Variants in COPS2 observed in about 807,000 individuals in gnomAD.
The protein encoded by COPS2 is COP9 signalosome subunit 2, also known as COP9 signalosome complex subunit 2.
COPS2 carries 10 observed loss-of-function variants against 66.1 expected under a neutral mutation model. That is an observed-to-expected ratio of 0.15 (90% CI 0.09 to 0.26). The LOEUF (loss-of-function observed/expected upper bound fraction) is 0.26, where lower values mean the gene tolerates loss of function less well. COPS2 is among the 10% of genes least tolerant of loss of function. COPS2 has a pLI of 1.00. For synonymous variants in COPS2, 179 were observed against 171.3 expected (o/e 1.04, Z -0.35); for missense variants, 215 against 513.3 (o/e 0.42, Z 5.62).
At chr15:49,144,008 A>G (rs1246665996) in intron 3 of COPS2, among the ~76,000 whole-genome samples, 1 of 151,616 alleles carries the variant, frequency 6.6e-6, no homozygotes, top group East Asian at 1.9e-4. Context: ...CTGTAAATGC[A>G]TCTAAAAGAG....
chr15:49,134,638 T>C (rs1008575989), intron 6 of COPS2, 124 bp from the exon 7 acceptor site: 35 of 767,104 alleles, frequency 4.6e-5, no homozygotes, highest in East Asian at 1.4e-4. Flanking sequence ...CAAATTTTAA[T>C]TGGGAGCTAC....
At chr15:49,140,357 T>C (rs944077340) in intron 3 of COPS2, among the ~76,000 whole-genome samples, 2 of 152,182 alleles carry the variant, frequency 1.3e-5, no homozygotes. Context: ...TATTCTTCCC[T>C]GTAATTTTAT....
intron 1 of COPS2, among the ~76,000 whole-genome samples, chr15:49,151,528 C>T (rs905413535): frequency 6.6e-5 from 10 of 152,092 alleles, no homozygotes; most frequent in African/African-American, 1.9e-4. Flanking sequence ...AGAAGTTTCA[C>T]GGTAGAACGA....
At chr15:49,153,066 G>T (rs559132099) in intron 1 of COPS2, among the ~76,000 whole-genome samples, 2 of 152,312 alleles carry the variant, frequency 1.3e-5, no homozygotes, top group African/African-American at 4.8e-5. Flanking sequence ...ACAGACTATT[G>T]CTTAGGAAAG....
intron 10 of COPS2, 61 bp from the exon 11 acceptor site, chr15:49,129,620 T>A (rs533763178): frequency 1.3e-6 from 1 of 777,542 alleles, no homozygotes; most frequent in African/African-American, 1.8e-5. Context: ...TCTTTATGGA[T>A]CATTATGTAC....
chr15:49,150,442 C>T (rs759832306), intron 1 of COPS2, among the ~76,000 whole-genome samples: 3 of 151,892 alleles, frequency 2.0e-5, no homozygotes, highest in Non-Finnish European at 4.4e-5. Context: ...CACTGGCAAT[C>T]GACCATCATC....
rs200071195 is a variant in COPS2, at chr15:49,145,740, G to GA, written c.55-663dup. The stretch of plus-strand genomic sequence containing the variant: ...TATTACATGAGTTCAATTCTTAGTG[G>GA]AAAAAAAACAAGGCAGAAGGGAAAA... On this transcript the variant is annotated intron_variant, in intron 1 of 12. Coordinates refer to ENST00000388901, the MANE Select transcript of COPS2 (RefSeq NM_004236.4). Among the ~76,000 whole-genome samples the GA allele has an allele frequency of 5.6e-3, 852 of 151,510 alleles. 6 individuals carry two copies. The highest frequency in any genetic ancestry group is 0.019 in the African/African-American group (805 of 41,334).
At chr15:49,146,561 G>A (rs201554449) in intron 1 of COPS2, among the ~76,000 whole-genome samples, 1 of 152,080 alleles carries the variant, frequency 6.6e-6, no homozygotes, top group African/African-American at 2.4e-5. Context: ...AATAGTACAC[G>A]TAGTAACAGC....
chr15:49,128,261 G>A (rs2084183656), intron 12 of COPS2, among the ~76,000 whole-genome samples, 167 bp from the exon 13 acceptor site: 1 of 152,132 alleles, frequency 6.6e-6, no homozygotes. Context: ...TCAAACTCTA[G>A]ATAGAAACCA....
At position 49,126,098 on chromosome 15, in the gene COPS2, T is replaced by A. The variant is rs1022592847; in HGVS notation, c.*1852A>T. On this transcript the variant is annotated 3_prime_UTR_variant, in exon 13 of 13. Coordinates refer to ENST00000388901, the MANE Select transcript of COPS2 (RefSeq NM_004236.4). ...TCTCCAAATTATATTGAAAAATAAA[T>A]CCTAATTAATATCACTCTTGTAAAA... 1 of 152,460 alleles carries A rather than the reference T, an allele frequency of 6.6e-6. No individual in the cohort carries two copies. The highest frequency in any genetic ancestry group is 1.5e-5 in the Non-Finnish European group (1 of 67,934). The allele number at this position is 152,460 out of a possible 1,614,324, so 9.4% of individuals were successfully genotyped here.
chr15:49,133,871 G>T, intron 8 of COPS2, 59 bp downstream of exon 8: 1 of 1,545,714 alleles, frequency 6.5e-7, no homozygotes, highest in Admixed American at 2.1e-5. Flanking sequence ...TTTAAAAAAA[G>T]AAATAACATT....
intron 11 of COPS2, 76 bp from the exon 12 acceptor site, chr15:49,128,836 A>C (rs1301866998): frequency 6.2e-6 from 6 of 972,150 alleles, no homozygotes; most frequent in Non-Finnish European, 9.5e-6. Context: ...TCTAATTTTA[A>C]TTCATTTCTA....
intron 1 of COPS2, among the ~76,000 whole-genome samples, chr15:49,152,372 A>G (rs2244224): frequency 0.093 from 14,124 of 152,068 alleles, 1,976 homozygotes; most frequent in African/African-American, 0.31. Flanking sequence ...ATTGATCATA[A>G]ATAATTTTAC....
intron 3 of COPS2, among the ~76,000 whole-genome samples, chr15:49,140,998 A>AG (rs1301585636): frequency 1.3e-5 from 2 of 152,192 alleles, no homozygotes; most frequent in Non-Finnish European, 2.9e-5. Context: ...ACAAAAAAAA[A>AG]AAAAGGATAG....
At chr15:49,137,680 G>C (rs1230795150) in intron 4 of COPS2, 1 of 410,698 alleles carries the variant, frequency 2.4e-6, no homozygotes, top group African/African-American at 2.0e-5. Flanking sequence ...TATAAACATA[G>C]TGCTGTAAGT....
At chr15:49,133,662 A>C in intron 9 of COPS2, 97 bp downstream of exon 9, 1 of 733,644 alleles carries the variant, frequency 1.4e-6, no homozygotes, top group Non-Finnish European at 2.2e-6. Flanking sequence ...CAAAAGGGCA[A>C]ATGTTGAATA....
At chr15:49,153,312 C>T (rs1320689347) in intron 1 of COPS2, among the ~76,000 whole-genome samples, 1 of 131,416 alleles carries the variant, frequency 7.6e-6, no homozygotes, top group Non-Finnish European at 1.7e-5. Flanking sequence ...ATGGCCAACA[C>T]ATACATGAAA....
At chr15:49,130,505 T>C (rs1159236753) in intron 10 of COPS2, among the ~76,000 whole-genome samples, 1 of 152,166 alleles carries the variant, frequency 6.6e-6, no homozygotes, top group Non-Finnish European at 1.5e-5. Context: ...ACATTATATA[T>C]AAACTTGACT....
chr15:49,138,326 ACTCT>A (rs34421865), intron 4 of COPS2, among the ~76,000 whole-genome samples: 41,637 of 151,600 alleles, frequency 0.27, 6,173 homozygotes, highest in East Asian at 0.43. Context: ...TTCAGAAAAC[ACTCT>A]CTATTTATGC....
Sources: allele counts gnomAD v4.1 joint callset (sites outside exome capture counted in the v4.1 genomes callset), GRCh38; gene constraint gnomAD v4.1.1; transcripts MANE v1.5; gene names NCBI Gene and HGNC (gene_info 2026-07-23, HGNC 2026-07-21).